ST6GALNAC2: variants seen among roughly 807,000 people sequenced by gnomAD.
ST6GALNAC2 encodes alpha-N-acetylgalactosaminide alpha-2,6-sialyltransferase 2.
A neutral mutation model predicts 38.7 loss-of-function variants in ST6GALNAC2; 42 were observed. The ratio of observed to expected loss-of-function variants is 1.09; its 90% CI spans 0.85 to 1.40. The LOEUF (loss-of-function observed/expected upper bound fraction) is 1.40. Among genes scored for constraint, ST6GALNAC2 ranks in the 40% most tolerant of loss-of-function variants. The pLI, the probability that ST6GALNAC2 is intolerant of heterozygous loss-of-function variation, is 0.00. For synonymous variants in ST6GALNAC2, 233 were observed against 209.0 expected (o/e 1.11, Z -0.99); for missense variants, 506 against 481.7 (o/e 1.05, Z -0.47).
chr17:76,570,378 A>G (rs1381221528), intron 6 of ST6GALNAC2, 187 bp downstream of exon 6: 2 of 580,346 alleles, frequency 3.4e-6, no homozygotes, highest in Admixed American at 5.8e-5. Flanking sequence ...CCAGGGGTAG[A>G]CAAAAAGTAG....
In ST6GALNAC2 at chr17:76,568,826, G is replaced by A. The variant is rs376678500; in HGVS notation, c.774-30C>T. 187 of 1,609,166 alleles carry A rather than the reference G, an allele frequency of 1.2e-4. No homozygotes were observed. The South Asian group carries it at 1.3e-3, about 11-fold the overall frequency. ...GACCCATGATAGAAGTGGACAGAGCGCCCAGAGCCGTCGTATTGCAAGGGG... is the reference window on the plus strand; with the variant it reads ...GACCCATGATAGAAGTGGACAGAGCACCCAGAGCCGTCGTATTGCAAGGGG... On this transcript the variant is annotated intron_variant, in intron 6 of 8. Transcript: ENST00000225276.
chr17:76,572,892 C>T, intron 4 of ST6GALNAC2, 117 bp from the exon 5 acceptor site: 1 of 1,289,918 alleles, frequency 7.8e-7, no homozygotes, highest in Non-Finnish European at 1.1e-6. Context: ...CTCCTTCTGC[C>T]CATGGCAGTA....
Position 76,566,281 on chromosome 17 carries a change from G to C in ST6GALNAC2, c.958-10C>G. On this transcript the variant is annotated splice_polypyrimidine_tract_variant and intron_variant, in intron 8 of 8. Transcript: ENST00000225276. ...ATCCATAGGCACTGACCTGGGCAAG[G>C]ATAGTCGCTGGATTAGTATTTGTTG... is the stretch of plus-strand genomic sequence containing the variant. 2 of 1,613,846 alleles carry C rather than the reference G, an allele frequency of 1.2e-6. No individual in the cohort carries two copies. Among genetic ancestry groups the C allele is most frequent in the Non-Finnish European group, 1.7e-6 (2 of 1,179,816 alleles).
Position 76,566,023 on chromosome 17 carries a change from G to GA in ST6GALNAC2, c.*80dup. ...CTGTTGGCAAGGGAAGGTGAAGATT[G>GA]AAAAGTTAAAAAAGCTTTTGGCCAC... On this transcript the variant is annotated 3_prime_UTR_variant, in exon 9 of 9. Transcript: ENST00000225276. 1 of 1,459,454 alleles carries GA rather than the reference G, an allele frequency of 6.9e-7. No homozygotes were observed. Among genetic ancestry groups the GA allele is most frequent in the Non-Finnish European group, 9.2e-7 (1 of 1,081,302 alleles). 90.4% of individuals were successfully genotyped at this position (1,459,454 alleles called of 1,614,324 possible).
At chr17:76,577,740 T>G (rs2075433146) in intron 2 of ST6GALNAC2, among the ~76,000 whole-genome samples, 1 of 151,976 alleles carries the variant, frequency 6.6e-6, no homozygotes, top group Non-Finnish European at 1.5e-5. Flanking sequence ...GCCTGCCTAA[T>G]TTTTTGTATT....
intron 6 of ST6GALNAC2, chr17:76,569,539 G>A (rs1157331023): frequency 2.6e-6 from 1 of 387,538 alleles, no homozygotes; most frequent in Non-Finnish European, 4.5e-6. Flanking sequence ...CCGAGTGGGG[G>A]AGGGGGAAGG....
At chr17:76,585,331 A>T (rs570090784) in intron 1 of ST6GALNAC2, among the ~76,000 whole-genome samples, 1 of 152,312 alleles carries the variant, frequency 6.6e-6, no homozygotes, top group African/African-American at 2.4e-5. Flanking sequence ...ACAAAAAAGG[A>T]AGTTTTTATC....
At chr17:76,570,401 C>T in intron 6 of ST6GALNAC2, 164 bp downstream of exon 6, 2 of 603,500 alleles carry the variant, frequency 3.3e-6, no homozygotes, top group Non-Finnish European at 6.0e-6. Context: ...TTTCCCAGTG[C>T]TGTTATGTGA....
In ST6GALNAC2 at chr17:76,573,230, C is replaced by T. The variant is rs1048327472; in HGVS notation, c.495G>A (p.Gln165=). The change falls in exon 4 of 9, where the codon CAG becomes CAA. Residue 165 remains glutamine, a synonymous_variant. Transcript: ENST00000225276. This position sits in a 1 kb window ranked among gnomAD's most constrained non-coding sequence, Gnocchi z 5.1. ...GNGGILNGSR[Q]GPNIDAHDYV... is the part of the protein sequence containing the mutation. ...AGTCATGGGCATCGATGTTGGGACC[C>T]TGGCGGGACCCATTCAGAATGCCTC... The T allele has an allele frequency of 1.6e-5, 26 of 1,613,444 alleles. No individual in the cohort carries two copies. Among genetic ancestry groups the T allele is most frequent in the Non-Finnish European group, 2.0e-5 (24 of 1,179,828 alleles).
At chr17:76,568,996 A>G (rs1598244672) in intron 6 of ST6GALNAC2, 200 bp from the exon 7 acceptor site, 2 of 374,032 alleles carry the variant, frequency 5.3e-6, no homozygotes, top group East Asian at 6.1e-5. Context: ...GCTCACCAGG[A>G]CCTCCACGGG....
rs765217131 is a variant in ST6GALNAC2, at chr17:76,572,697, C to T, written c.609G>A (p.Thr203=). 9 of 1,614,186 alleles carry T rather than the reference C, an allele frequency of 5.6e-6. No individual in the cohort carries two copies. Among genetic ancestry groups the T allele is most frequent in the East Asian group, 4.5e-5 (2 of 44,884 alleles). Residue 203 remains threonine (T), a synonymous_variant, in exon 5 of 9, where the codon ACG becomes ACA. Transcript: ENST00000225276. ...KTSFYGFTVN[T]MKNSLVSYWN... is the part of the protein sequence containing the mutation. ...AGTAGGAGACGAGGGAGTTCTTCAT[C>T]GTGTTCACAGTGAAACCATAGAAGG...
intron 6 of ST6GALNAC2, chr17:76,569,011 G>C (rs2075320462): frequency 1.9e-6 from 1 of 517,436 alleles, no homozygotes; most frequent in Non-Finnish European, 3.4e-6. Flanking sequence ...CACGGGCGGG[G>C]TGTAGGAGAG....
Position 76,573,333 on chromosome 17 carries a change from C to A in ST6GALNAC2, c.392G>T (p.Gly131Val). The A allele has an allele frequency of 6.3e-7, 1 of 1,575,358 alleles. No individual in the cohort carries two copies. ...GGCAAACAGCTTGGCACTCTCTGAGCCGTTCAGAAGGCTCAGGGTGGAGGC... is the reference window on the plus strand; with the variant it reads ...GGCAAACAGCTTGGCACTCTCTGAGACGTTCAGAAGGCTCAGGGTGGAGGC... ...VIASTLSLLN[G>V]SESAKLFAPP... is the part of the protein sequence containing the mutation. The change falls in exon 4 of 9, where the codon GGC (glycine) becomes GTC (valine). Residue 131 changes from glycine to valine, a missense_variant. By Grantham distance (109) the Gly-to-Val change is moderately radical. Coordinates refer to ENST00000225276, the MANE Select transcript of ST6GALNAC2 (RefSeq NM_006456.3). This position sits in a 1 kb window ranked among gnomAD's most constrained non-coding sequence, Gnocchi z 5.1.
At chr17:76,584,985 A>T (rs1410178151) in intron 1 of ST6GALNAC2, among the ~76,000 whole-genome samples, 3 of 152,220 alleles carry the variant, frequency 2.0e-5, no homozygotes, top group Non-Finnish European at 4.4e-5. Flanking sequence ...GCCGGCTCCC[A>T]GGTTCTCCTC....
chr17:76,567,552 C>T lies in ST6GALNAC2; in HGVS notation c.858G>A (p.Arg286=), dbSNP rs752795328. The T allele has an allele frequency of 6.2e-7, 1 of 1,608,990 alleles. No individual in the cohort carries two copies. The highest frequency in any genetic ancestry group is 8.5e-7 in the Non-Finnish European group (1 of 1,175,934). ...TGTTAATCAACTTTGATTTCAAGAA[C>T]CTGGAAGCAAAAAGAGACATTTCAG... The part of the protein sequence containing the change: ...HPDFISYLTE[R]FLKSKLINTH... The change falls in exon 8 of 9, where the codon AGG becomes AGA. Residue 286 remains arginine (R), a splice_region_variant and synonymous_variant. Transcript: ENST00000225276.
chr17:76,567,452 C>A lies in ST6GALNAC2; in HGVS notation c.957+1G>T, dbSNP rs770119908. 7 of 1,611,806 alleles carry A rather than the reference C, an allele frequency of 4.3e-6. No homozygotes were observed. Among genetic ancestry groups the A allele is most frequent in the Non-Finnish European group, 5.1e-6 (6 of 1,178,012 alleles). ...GGCTTCTGGAAGAGAAGGCCTCTTA[C>A]CTGGTCACAGGTATGCAAAGCTGTC... On this transcript the variant is annotated splice_donor_variant, in intron 8 of 8. Coordinates refer to ENST00000225276, the MANE Select transcript of ST6GALNAC2 (RefSeq NM_006456.3). LOFTEE classifies it high-confidence loss of function.
intron 8 of ST6GALNAC2, 83 bp downstream of exon 8, chr17:76,567,370 G>T: frequency 2.0e-6 from 2 of 996,342 alleles, no homozygotes; most frequent in South Asian, 2.6e-5. Context: ...CCAGCTCCGA[G>T]GTAAGGGATA....
At position 76,573,159 on chromosome 17, in the gene ST6GALNAC2, T is replaced by TGCCAA; in HGVS notation, c.530+35_530+36insTTGGC. 1.9e-5 allele frequency: 29 copies of TGCCAA among 1,530,270 alleles called. No homozygotes were observed. The highest frequency in any genetic ancestry group is 2.3e-5 in the Non-Finnish European group (26 of 1,120,786). 94.8% of individuals were successfully genotyped at this position (1,530,270 alleles called of 1,614,324 possible). Reference sequence around the variant, plus strand: ...GACACCCCCACCCTCCAGGCAACTCTCCCTCCCGCCCCTCCCCAGCTCCTA... The same window carrying TGCCAA: ...GACACCCCCACCCTCCAGGCAACTCTGCCAACCCTCCCGCCCCTCCCCAGCTCCTA... On this transcript the variant is annotated intron_variant, in intron 4 of 8. Transcript: ENST00000225276. The surrounding 1 kb of genome is among the most constrained non-coding windows in gnomAD (Gnocchi z 5.1).
intron 1 of ST6GALNAC2, among the ~76,000 whole-genome samples, chr17:76,579,694 G>C (rs2075454606): frequency 6.6e-6 from 1 of 152,226 alleles, no homozygotes; most frequent in Admixed American, 6.5e-5. Flanking sequence ...TATTGCAAGA[G>C]TGGGTTAGTT....
Sources: allele counts gnomAD v4.1 joint callset (sites outside exome capture counted in the v4.1 genomes callset), GRCh38; gene constraint gnomAD v4.1.1; non-coding constraint Gnocchi (gnomAD v3.1); transcripts MANE v1.5; gene names NCBI Gene and HGNC (gene_info 2026-07-23, HGNC 2026-07-21).